Variants in PLEKHG1 observed in about 807,000 individuals in gnomAD.
PLEKHG1 encodes the protein pleckstrin homology domain-containing family G member 1.
Under a neutral mutation model 100.8 loss-of-function variants are expected in PLEKHG1, and 44 were observed. The observed-to-expected ratio is 0.44, with a 90% CI of 0.34 to 0.56. The LOEUF (loss-of-function observed/expected upper bound fraction) is 0.56, where lower values mean the gene tolerates loss of function less well. PLEKHG1 is among the 20% of genes least tolerant of loss of function. The probability of loss-of-function intolerance (pLI) is 0.01; values close to 1 mark genes in which losing one functional copy is unlikely to be tolerated. For synonymous variants in PLEKHG1, 640 were observed against 662.5 expected, an observed-to-expected ratio of 0.97 and a Z score of 0.52; for missense variants, 1,545 against 1,720.9, an observed-to-expected ratio of 0.90 and a Z score of 1.81.
intron 1 of PLEKHG1, among the ~76,000 whole-genome samples, chr6:150,628,368 G>A (rs1301125650): frequency 6.6e-6 from 1 of 152,062 alleles, no homozygotes; most frequent in African/African-American, 2.4e-5. Context: ...AGAGGATGTT[G>A]ACCCAGTAGA....
chr6:150,740,360 A>C (rs1359479616), intron 2 of PLEKHG1, among the ~76,000 whole-genome samples: 1 of 152,242 alleles, frequency 6.6e-6, no homozygotes, highest in African/African-American at 2.4e-5. Context: ...ATGGTTGTGC[A>C]TAGGCATTCC....
chr6:150,728,903 G>C (rs1228128321), intron 1 of PLEKHG1, among the ~76,000 whole-genome samples: 1 of 150,986 alleles, frequency 6.6e-6, no homozygotes, highest in Non-Finnish European at 1.5e-5. Context: ...TCTCAAAAAA[G>C]AAAAAAAAGT....
chr6:150,702,045 C>T (rs1780811084), intron 3 of PLEKHG1, among the ~76,000 whole-genome samples: 1 of 152,296 alleles, frequency 6.6e-6, no homozygotes, highest in Non-Finnish European at 1.5e-5. Flanking sequence ...TATCTCACTC[C>T]ATAATTCACC....
intron 2 of PLEKHG1, among the ~76,000 whole-genome samples, chr6:150,648,989 A>G (rs867539786): frequency 9.2e-5 from 14 of 152,210 alleles, no homozygotes; most frequent in African/African-American, 1.9e-4. Context: ...CTGCCCATGA[A>G]GTATTTCATT....
intron 2 of PLEKHG1, among the ~76,000 whole-genome samples, chr6:150,750,529 C>G (rs1783445677): frequency 6.6e-6 from 1 of 152,018 alleles, no homozygotes; most frequent in African/African-American, 2.4e-5. Flanking sequence ...GCCTGTAATC[C>G]CAGCACTTTG....
chr6:150,677,495 T>C (rs1162153906), intron 3 of PLEKHG1, among the ~76,000 whole-genome samples: 1 of 152,182 alleles, frequency 6.6e-6, no homozygotes, highest in Non-Finnish European at 1.5e-5. Flanking sequence ...TCAATTCATA[T>C]GTCATCCCTT....
intron 7 of PLEKHG1, among the ~76,000 whole-genome samples, chr6:150,808,834 G>GGCT (rs1397669289): frequency 6.6e-6 from 1 of 151,956 alleles, no homozygotes; most frequent in Admixed American, 6.6e-5. Flanking sequence ...ACGATGTAAG[G>GGCT]GCTGCTGTGA....
At chr6:150,785,543 A>C (rs1785574777) in intron 3 of PLEKHG1, among the ~76,000 whole-genome samples, 1 of 152,212 alleles carries the variant, frequency 6.6e-6, no homozygotes, top group Admixed American at 6.5e-5. Context: ...CCTAGTAAAA[A>C]AATAACATGA....
At chr6:150,793,984 A>T (rs893470314) in intron 4 of PLEKHG1, among the ~76,000 whole-genome samples, 6 of 152,222 alleles carry the variant, frequency 3.9e-5, no homozygotes, top group African/African-American at 1.4e-4. Flanking sequence ...TGAGAGGCTA[A>T]GGCAGGAGAA....
intron 3 of PLEKHG1, among the ~76,000 whole-genome samples, chr6:150,668,736 A>G (rs1404431728): frequency 6.6e-6 from 1 of 152,222 alleles, no homozygotes; most frequent in Non-Finnish European, 1.5e-5. Context: ...TGTAGGGCAG[A>G]GTATGGTAAA....
chr6:150,810,575 A>T (rs1419655226), intron 10 of PLEKHG1, among the ~76,000 whole-genome samples: 1 of 144,820 alleles, frequency 6.9e-6, no homozygotes, highest in Non-Finnish European at 1.5e-5. Flanking sequence ...AAATTGAGAG[A>T]TAGAATATAT....
At chr6:150,767,955 G>T (rs1784527046) in intron 2 of PLEKHG1, among the ~76,000 whole-genome samples, 1 of 152,092 alleles carries the variant, frequency 6.6e-6, no homozygotes, top group South Asian at 2.1e-4. Context: ...GCACACAAGG[G>T]GCAGAAAGCA....
chr6:150,727,614 A>G lies in PLEKHG1; in HGVS notation c.-98-5970A>G, dbSNP rs1412525839. ...TTATTAAGGATGGCACAAAAAAAAAAAGAATATTTTATTTGGTTGGCTTTT... is the reference window on the plus strand; with the variant it reads ...TTATTAAGGATGGCACAAAAAAAAAGAGAATATTTTATTTGGTTGGCTTTT... On this transcript the variant is annotated intron_variant, in intron 1 of 15. Coordinates refer to ENST00000358517, the Ensembl canonical transcript of PLEKHG1. Among the ~76,000 whole-genome samples, 5 of 151,914 alleles carry G rather than the reference A, an allele frequency of 3.3e-5. No individual in the cohort carries two copies. The East Asian group carries it at 5.8e-4, about 18-fold the overall frequency.
At chr6:150,630,525 TACAGTTG>T (rs1374014612) in intron 1 of PLEKHG1, among the ~76,000 whole-genome samples, 1 of 152,082 alleles carries the variant, frequency 6.6e-6, no homozygotes, top group Non-Finnish European at 1.5e-5. Flanking sequence ...AATATCTGAG[TACAGTTG>T]ACACCATTTT....
At chr6:150,694,660 A>G (rs1780475380) in intron 3 of PLEKHG1, among the ~76,000 whole-genome samples, 1 of 150,498 alleles carries the variant, frequency 6.6e-6, no homozygotes, top group South Asian at 2.1e-4. Flanking sequence ...AGATGGTACC[A>G]TTGTACTCCA....
intron 1 of PLEKHG1, among the ~76,000 whole-genome samples, chr6:150,728,238 TCTGA>T (rs1782056351): frequency 6.8e-6 from 1 of 147,604 alleles, no homozygotes; most frequent in South Asian, 2.1e-4. Flanking sequence ...ATCAGCATTG[TCTGA>T]CTAAAATATA....
At chr6:150,610,820 T>A (rs1162087929) in intron 1 of PLEKHG1, among the ~76,000 whole-genome samples, 1 of 152,244 alleles carries the variant, frequency 6.6e-6, no homozygotes, top group African/African-American at 2.4e-5. Flanking sequence ...CTCTGTAATA[T>A]GTATGTTTCT....
At chr6:150,757,679 G>A (rs1482432133) in intron 2 of PLEKHG1, among the ~76,000 whole-genome samples, 1 of 152,160 alleles carries the variant, frequency 6.6e-6, no homozygotes, top group East Asian at 1.9e-4. Context: ...CATAGTGATA[G>A]GGATTCTTTT....
intron 3 of PLEKHG1, among the ~76,000 whole-genome samples, chr6:150,708,958 T>C (rs755500750): frequency 6.6e-5 from 10 of 152,368 alleles, no homozygotes; most frequent in Middle Eastern, 3.4e-3. Context: ...ATTGGCTTAC[T>C]GTCAGATGAT....
Sources: allele counts gnomAD v4.1 joint callset (sites outside exome capture counted in the v4.1 genomes callset), GRCh38; gene constraint gnomAD v4.1.1; transcripts MANE v1.5; gene names NCBI Gene and HGNC (gene_info 2026-07-23, HGNC 2026-07-21).